Variants in MATK observed in about 807,000 individuals in gnomAD.
MATK encodes megakaryocyte-associated tyrosine kinase.
Under a neutral mutation model 59.8 loss-of-function variants are expected in MATK, and 41 were observed. The ratio of observed to expected loss-of-function variants is 0.69; its 90% confidence interval spans 0.53 to 0.89. The LOEUF is 0.89. MATK is among the 40% of genes least tolerant of loss of function. MATK has a pLI of 0.00. For missense variants in MATK, 593 were observed against 719.6 expected (o/e 0.82, Z 2.01); for synonymous variants, 308 against 306.1 (o/e 1.01, Z -0.06).
exon 1 of MATK, chr19:3,801,770 A>G (rs1474537842): frequency 6.6e-6 from 1 of 152,198 alleles, no homozygotes; most frequent in East Asian, 1.9e-4. Context: ...CGGTCCATCC[A>G]TCTGCACCGA....
chr19:3,784,725 T>C (rs1282884692), intron 3 of MATK, 100 bp downstream of exon 3: 2 of 755,270 alleles, frequency 2.6e-6, no homozygotes, highest in Non-Finnish European at 4.5e-6. Context: ...CAGAAGGGGG[T>C]AGGGGGCAGA....
chr19:3,793,687 GT>G (rs1259235473), intron 1 of MATK, among the ~76,000 whole-genome samples: 13 of 150,286 alleles, frequency 8.7e-5, no homozygotes, highest in African/African-American at 3.2e-4. Context: ...GGGCGACAGA[GT>G]GGAGACTCCA....
intron 1 of MATK, among the ~76,000 whole-genome samples, chr19:3,799,920 A>G (rs1413137868): frequency 2.0e-5 from 3 of 151,416 alleles, no homozygotes; most frequent in Non-Finnish European, 4.4e-5. Flanking sequence ...AGGCGGGAGG[A>G]TCACGAGGTC....
At position 3,779,021 on chromosome 19, in the gene MATK, A is replaced by C; in HGVS notation, c.1168T>G (p.Trp390Gly). The change falls in exon 12 of 14, where the codon TGG becomes GGG. Residue 390 changes from tryptophan (W) to glycine (G), a missense_variant. By Grantham distance (184) the Trp-to-Gly change is radical. Transcript: ENST00000310132. ...TGTTTGAGAGCCTCGGGCGCCGTCC[A>C]CTTGACGGGCAGCCGGCTTGAGTCT... Reference protein sequence around the residue: ...GLDSSRLPVKWTAPEALKHGK... With the variant: ...GLDSSRLPVKGTAPEALKHGK... 1 of 1,583,328 alleles carries C rather than the reference A, an allele frequency of 6.3e-7. No homozygotes were observed. The highest frequency in any genetic ancestry group is 1.1e-5 in the South Asian group (1 of 89,554).
In MATK at chr19:3,779,861, A is replaced by C. The variant is rs373897217; in HGVS notation, c.743-64T>G. On this transcript the variant is annotated intron_variant, in intron 8 of 13. Transcript: ENST00000310132. ...CCCCAACAAACAGGGACAGAGAGAC[A>C]GACGGACAGGCCCGCTCACACCGGT... is the stretch of plus-strand genomic sequence containing the variant. 181 of 1,005,964 alleles carry C rather than the reference A, an allele frequency of 1.8e-4. No individual in the cohort carries two copies. In the East Asian group the frequency reaches 3.4e-3, roughly 19 times the overall value. The allele number at this position is 1,005,964 out of a possible 1,614,324, so 62.3% of individuals were successfully genotyped here.
Position 3,783,988 on chromosome 19 carries a change from C to A in MATK, c.408G>T (p.Leu136=). The A allele has an allele frequency of 3.1e-6, 5 of 1,611,156 alleles. No individual in the cohort carries two copies. The highest frequency in any genetic ancestry group is 1.3e-5 in the African/African-American group (1 of 75,030). ...KISGQEAVQQ[L]QPPEDGLFLV... ...GGAACAGCCCATCCTCGGGAGGCTG[C>A]AGCTGCTGGACAGCCTCCTGGCCCG... The change falls in exon 6 of 14, where the codon CTG becomes CTT. Residue 136 remains leucine (L), a synonymous_variant. Transcript: ENST00000310132.
At chr19:3,781,585 C>A (rs758394410) in intron 8 of MATK, 22 bp downstream of exon 8, 32 of 1,613,468 alleles carry the variant, frequency 2.0e-5, no homozygotes, top group Non-Finnish European at 2.6e-5. Flanking sequence ...CTTCAGCACC[C>A]CCAACCCAGT....
Sources: gnomAD v4.1 joint callset for allele counts (sites outside exome capture counted in the v4.1 genomes callset) on GRCh38, gnomAD v4.1.1 for gene constraint, MANE v1.5 for transcripts, NCBI Gene and HGNC (gene_info 2026-07-23, HGNC 2026-07-21) for gene names.